The following TNIP2 variants were observed in gnomAD, a reference collection of about 807,000 sequenced individuals.
TNIP2 encodes TNFAIP3-interacting protein 2.
A neutral mutation model predicts 43.7 loss-of-function variants in TNIP2; 30 were observed. The ratio of observed to expected loss-of-function variants is 0.69; its 90% CI spans 0.51 to 0.93. The LOEUF (loss-of-function observed/expected upper bound fraction) is 0.93, where lower values mean the gene tolerates loss of function less well. Ranked by LOEUF, TNIP2 falls within the 40% of genes least tolerant of loss-of-function variation. The pLI, the probability that TNIP2 is intolerant of heterozygous loss-of-function variation, is 0.00. For synonymous variants in TNIP2, 260 were observed against 254.6 expected, an observed-to-expected ratio of 1.02 and a Z score of -0.20; for missense variants, 599 against 591.0, an observed-to-expected ratio of 1.01 and a Z score of -0.14.
rs1234673901 is a variant in TNIP2, at chr4:2,744,621, G to C, written c.906+76C>G. ...TCAGTGCCACCAAGCCTTCAGCCCA[G>C]CCTGTCCCATGATTTCGGCCACCAC... is the stretch of plus-strand genomic sequence containing the variant. On this transcript the variant is annotated intron_variant, in intron 4 of 5. Transcript: ENST00000315423. The surrounding 1 kb of genome is among the most constrained non-coding windows in gnomAD (Gnocchi z 5.1). The C allele has an allele frequency of 2.5e-6, 4 of 1,588,386 alleles. No homozygotes were observed. The highest frequency in any genetic ancestry group is 3.4e-6 in the Non-Finnish European group (4 of 1,169,766).
intron 5 of TNIP2, 88 bp from the exon 6 acceptor site, chr4:2,742,608 C>A: frequency 2.9e-6 from 4 of 1,382,952 alleles, no homozygotes; most frequent in Non-Finnish European, 3.8e-6. Context: ...AGGCACTTCA[C>A]CTATCCCTGA....
intron 5 of TNIP2, among the ~76,000 whole-genome samples, chr4:2,743,662 C>T (rs540791299): frequency 3.2e-4 from 49 of 152,286 alleles, no homozygotes; most frequent in African/African-American, 9.4e-4. Flanking sequence ...CAGCCCGGGA[C>T]GCATCGATTC....
At chr4:2,755,834 C>T (rs1217900186) in intron 1 of TNIP2, 180 bp downstream of exon 1, 10 of 887,076 alleles carry the variant, frequency 1.1e-5, no homozygotes, top group Non-Finnish European at 1.5e-5. Flanking sequence ...CCCGGCACCC[C>T]CTCAACTCCC....
At position 2,747,430 on chromosome 4, in the gene TNIP2, G is replaced by T. The variant is rs796868751; in HGVS notation, c.567+225C>A. 7.5e-5 allele frequency: 42 copies of T among 558,648 alleles called. No individual in the cohort carries two copies. In the African/African-American group the frequency reaches 7.7e-4, roughly 10 times the overall value. 34.6% of individuals were successfully genotyped at this position (558,648 alleles called of 1,614,324 possible). A position where few individuals can be genotyped will look rare whatever the true frequency, so the allele number is the denominator to read the frequency against. ...GGGAGCGGGGTCGGCCACAGGCCTG[G>T]TGCTGGGCAGTGAGGTGGCTGCCTG... On this transcript the variant is annotated intron_variant, in intron 2 of 5. Coordinates refer to ENST00000315423, the MANE Select transcript of TNIP2 (RefSeq NM_024309.4).
intron 1 of TNIP2, among the ~76,000 whole-genome samples, chr4:2,750,676 C>T (rs1197436819): frequency 7.2e-6 from 1 of 139,256 alleles, no homozygotes; most frequent in Non-Finnish European, 1.6e-5. Context: ...AACCTGACTT[C>T]TGGTTTTTTT....
Position 2,744,516 on chromosome 4 carries a change from GGC to G in TNIP2, c.907-12_907-11del, listed in dbSNP as rs143393989. The G allele has an allele frequency of 1.9e-6, 3 of 1,614,134 alleles. No individual in the cohort carries two copies. In the East Asian group the frequency reaches 6.7e-5, roughly 36 times the overall value. On this transcript the variant is annotated splice_polypyrimidine_tract_variant and intron_variant, in intron 4 of 5. Coordinates refer to ENST00000315423, the MANE Select transcript of TNIP2 (RefSeq NM_024309.4). The surrounding 1 kb of genome is among the most constrained non-coding windows in gnomAD (Gnocchi z 5.1). ...CCTTGTAAGCGAGAATCTGAAGAGAGGCGAGACACACATTTCTGCTCAAGGAA... is the reference window on the plus strand; with the variant it reads ...CCTTGTAAGCGAGAATCTGAAGAGAGGAGACACACATTTCTGCTCAAGGAA...
At chr4:2,745,160 G>A (rs928420088) in intron 3 of TNIP2, among the ~76,000 whole-genome samples, 2 of 152,218 alleles carry the variant, frequency 1.3e-5, no homozygotes, top group Non-Finnish European at 2.9e-5. Flanking sequence ...CAGCATGAAC[G>A]GAGGTGGACT....
At chr4:2,743,071 C>T (rs1317800681) in intron 5 of TNIP2, among the ~76,000 whole-genome samples, 1 of 152,168 alleles carries the variant, frequency 6.6e-6, no homozygotes, top group African/African-American at 2.4e-5. Context: ...CAGCCTGTGG[C>T]CCTCACTGCT....
At chr4:2,743,035 C>T (rs553862684) in intron 5 of TNIP2, among the ~76,000 whole-genome samples, 1 of 152,310 alleles carries the variant, frequency 6.6e-6, no homozygotes, top group Admixed American at 6.5e-5. Context: ...GGCACATGTT[C>T]TCCAAACATC....
chr4:2,742,355 T>C lies in TNIP2; in HGVS notation c.1192A>G (p.Arg398Gly), dbSNP rs1376795386. The C allele has an allele frequency of 1.3e-6, 2 of 1,598,574 alleles. No individual in the cohort carries two copies. Among genetic ancestry groups the C allele is most frequent in the African/African-American group, 1.3e-5 (1 of 74,324 alleles). ...AEGGHPGAAQ[R>G]GQGDLQCPHC... ...GGGCACTGAAGGTCCCCCTGGCCTC[T>C]CTGGGCCGCGCCAGGATGCCCGCCC... The change falls in exon 6 of 6, where the codon AGA becomes GGA. Residue 398 changes from arginine to glycine, a missense_variant. By Grantham distance (125) the Arg-to-Gly change is moderately radical. Coordinates refer to ENST00000315423, the MANE Select transcript of TNIP2 (RefSeq NM_024309.4).
rs145123249 is a variant in TNIP2 at position 2,744,458 on chromosome 4, G to T, written c.955C>A (p.Arg319=). The T allele has an allele frequency of 6.1e-5, 99 of 1,614,166 alleles. No homozygotes were observed. The African/African-American group carries it at 1.2e-3, about 20-fold the overall frequency. ...AGTTCTTGAATCCTACTTTGAGCCCGTTCCCGATCGGCCCTTTCTGACATG... is the reference window on the plus strand; with the variant it reads ...AGTTCTTGAATCCTACTTTGAGCCCTTTCCCGATCGGCCCTTTCTGACATG... The part of the protein sequence containing the change: ...DFMSERADRE[R]AQSRIQELEE... Residue 319 remains arginine (R), a synonymous_variant, in exon 5 of 6, where the codon CGG becomes AGG. Transcript: ENST00000315423. The surrounding 1 kb of genome is among the most constrained non-coding windows in gnomAD (Gnocchi z 5.1).
chr4:2,748,670 T>C (rs1722019789), intron 1 of TNIP2, among the ~76,000 whole-genome samples: 1 of 134,042 alleles, frequency 7.5e-6, no homozygotes. Context: ...ATTTTTATAT[T>C]TTTAGTAGAG....
At chr4:2,747,629 C>T (rs1721983706) in intron 2 of TNIP2, 26 bp downstream of exon 2, 1 of 1,580,496 alleles carries the variant, frequency 6.3e-7, no homozygotes. Context: ...AGGTCTTCCC[C>T]ACACTCTGCT....
chr4:2,750,940 C>T (rs1241145821), intron 1 of TNIP2, among the ~76,000 whole-genome samples: 1 of 152,194 alleles, frequency 6.6e-6, no homozygotes, highest in Non-Finnish European at 1.5e-5. Context: ...TAGTACTCAA[C>T]ACTGAGCCCA....
chr4:2,755,909 C>G, intron 1 of TNIP2, 105 bp downstream of exon 1: 6 of 1,373,448 alleles, frequency 4.4e-6, no homozygotes, highest in African/African-American at 1.5e-5. Flanking sequence ...CCCAGTACCC[C>G]CTCAACCCCT....
chr4:2,747,596 T>C (rs1721982170), intron 2 of TNIP2, 59 bp downstream of exon 2: 1 of 1,534,028 alleles, frequency 6.5e-7, no homozygotes, highest in African/African-American at 1.4e-5. Context: ...CAGGGGCCTG[T>C]AGGCGATGCT....
chr4:2,751,363 C>G (rs950918854), intron 1 of TNIP2, among the ~76,000 whole-genome samples: 1 of 152,234 alleles, frequency 6.6e-6, no homozygotes, highest in Non-Finnish European at 1.5e-5. Flanking sequence ...CATAGCTCCA[C>G]GCTCAGAACA....
At chr4:2,753,064 C>T (rs1291196639) in intron 1 of TNIP2, among the ~76,000 whole-genome samples, 1 of 152,006 alleles carries the variant, frequency 6.6e-6, no homozygotes, top group East Asian at 1.9e-4. Context: ...CAGACCAAGA[C>T]CCTGTCTCTA....
intron 1 of TNIP2, among the ~76,000 whole-genome samples, chr4:2,754,225 A>G (rs1302403773): frequency 2.6e-5 from 4 of 152,250 alleles, no homozygotes; most frequent in Non-Finnish European, 5.9e-5. Context: ...TTCCTGGGCA[A>G]ACTAGGATAA....
Sources: allele counts gnomAD v4.1 joint callset (sites outside exome capture counted in the v4.1 genomes callset), GRCh38; gene constraint gnomAD v4.1.1; non-coding constraint Gnocchi (gnomAD v3.1); transcripts MANE v1.5; gene names NCBI Gene and HGNC (gene_info 2026-07-23, HGNC 2026-07-21).